ARHGEF38: variants seen among roughly 807,000 people sequenced by gnomAD.
ARHGEF38 encodes the protein Rho guanine nucleotide exchange factor 38.
ARHGEF38 carries 79 observed loss-of-function variants against 79.9 expected under a neutral mutation model. The ratio of observed to expected loss-of-function variants is 0.99; its 90% CI spans 0.82 to 1.19. ARHGEF38 has a LOEUF of 1.19. ARHGEF38 is among the 50% of genes most tolerant of loss of function. The pLI, the probability that ARHGEF38 is intolerant of heterozygous loss-of-function variation, is 0.00. For synonymous variants in ARHGEF38, 366 were observed against 328.3 expected (o/e 1.11, Z -1.24); for missense variants, 962 against 907.2 (o/e 1.06, Z -0.78).
intron 1 of ARHGEF38, among the ~76,000 whole-genome samples, chr4:105,558,221 G>C (rs1725345766): frequency 6.6e-6 from 1 of 152,148 alleles, no homozygotes; most frequent in South Asian, 2.1e-4. Context: ...AAGACTATGA[G>C]GGCATTTAAT....
At chr4:105,567,584 TGTGTATTTA>T (rs1725990479) in intron 1 of ARHGEF38, among the ~76,000 whole-genome samples, 1 of 152,220 alleles carries the variant, frequency 6.6e-6, no homozygotes. Flanking sequence ...GACATCAGTT[TGTGTATTTA>T]AGGGAGATAA....
chr4:105,565,427 C>A (rs7684945), intron 1 of ARHGEF38, among the ~76,000 whole-genome samples: 125,847 of 152,236 alleles, frequency 0.83, 52,292 homozygotes, highest in South Asian at 0.92. Context: ...TAGGGCTCGA[C>A]GCAATGCTAA....
At chr4:105,596,931 T>G (rs1727607984) in intron 2 of ARHGEF38, among the ~76,000 whole-genome samples, 1 of 152,228 alleles carries the variant, frequency 6.6e-6, no homozygotes, top group Admixed American at 6.5e-5. Context: ...GCAGCCCTGA[T>G]GCACTGCTTA....
intron 1 of ARHGEF38, among the ~76,000 whole-genome samples, chr4:105,575,790 C>CTTAA (rs1449233259): frequency 6.6e-6 from 1 of 152,004 alleles, no homozygotes; most frequent in Non-Finnish European, 1.5e-5. Flanking sequence ...CAGCCCTAGA[C>CTTAA]TTAAGTCTTT....
chr4:105,590,174 GGGACAAACGAGT>G (rs1727272335), intron 2 of ARHGEF38, among the ~76,000 whole-genome samples: 1 of 151,942 alleles, frequency 6.6e-6, no homozygotes, highest in Non-Finnish European at 1.5e-5. Context: ...GAGAGAGATG[GGGACAAACGAGT>G]GGTCATTCTA....
At chr4:105,564,349 A>G (rs990608491) in intron 1 of ARHGEF38, among the ~76,000 whole-genome samples, 3 of 152,188 alleles carry the variant, frequency 2.0e-5, no homozygotes, top group Non-Finnish European at 4.4e-5. Context: ...CTGACACGCT[A>G]CTACATGGAT....
intron 2 of ARHGEF38, among the ~76,000 whole-genome samples, chr4:105,593,563 C>A (rs903427932): frequency 2.6e-5 from 4 of 152,024 alleles, no homozygotes; most frequent in African/African-American, 9.7e-5. Flanking sequence ...AACAGACAGA[C>A]AAAAACATCA....
Position 105,645,199 on chromosome 4 carries a change from AC to A in ARHGEF38, c.687del (p.Leu230TyrfsTer7). On this transcript the variant is annotated frameshift_variant, in exon 6 of 14. Transcript: ENST00000420470. LOFTEE classifies it high-confidence loss of function. ...KKIYMQEGKP[N>X]LLDMGSLMIK... ...TATCTGTATTGTAGAGGCAAACCAA[AC>A]TTATTGGACATGGGCTCTTTGATGA... 1 of 1,513,218 alleles carries A rather than the reference AC, an allele frequency of 6.6e-7. No individual in the cohort carries two copies. Among genetic ancestry groups the A allele is most frequent in the Non-Finnish European group, 8.8e-7 (1 of 1,135,816 alleles). The allele number at this position is 1,513,218 out of a possible 1,614,324, so 93.7% of individuals were successfully genotyped here. A position where few individuals can be genotyped will look rare whatever the true frequency, so the allele number is the denominator to read the frequency against.
Position 105,667,232 on chromosome 4 carries a change from A to C in ARHGEF38, c.1793A>C (p.Glu598Ala). ...QAKRKCNATQ[E>A]YDINLLEGDL... ...AAGCGCAAGTGCAATGCTACACAAGAATATGACATCAATCTTCTGGAAGGA... is the reference window on the plus strand; with the variant it reads ...AAGCGCAAGTGCAATGCTACACAAGCATATGACATCAATCTTCTGGAAGGA... The change falls in exon 12 of 14, where the codon GAA becomes GCA. Residue 598 changes from glutamate (E) to alanine (A), a missense_variant. By Grantham distance (107) the Glu-to-Ala change is moderately radical (BLOSUM62 -1). Transcript: ENST00000420470. The C allele has an allele frequency of 6.5e-7, 1 of 1,536,204 alleles. No homozygotes were observed. Among genetic ancestry groups the C allele is most frequent in the Non-Finnish European group, 8.7e-7 (1 of 1,146,920 alleles).
intron 2 of ARHGEF38, among the ~76,000 whole-genome samples, chr4:105,598,575 A>T (rs1390542596): frequency 6.6e-6 from 1 of 152,224 alleles, no homozygotes; most frequent in African/African-American, 2.4e-5. Context: ...AACTATCAAT[A>T]CAAATATTCT....
chr4:105,655,779 G>T (rs1242224979), intron 9 of ARHGEF38, 57 bp downstream of exon 9: 25 of 1,473,316 alleles, frequency 1.7e-5, no homozygotes, highest in Non-Finnish European at 1.5e-5. Flanking sequence ...TGAAAGGAAA[G>T]CTGCTTTTTG....
chr4:105,577,238 C>G (rs1726548206), intron 1 of ARHGEF38, among the ~76,000 whole-genome samples: 1 of 141,596 alleles, frequency 7.1e-6, no homozygotes, highest in South Asian at 2.5e-4. Flanking sequence ...TCTCCTAATG[C>G]TATCCCTCCC....
chr4:105,669,476 C>T (rs530846468), intron 13 of ARHGEF38, among the ~76,000 whole-genome samples: 101 of 152,170 alleles, frequency 6.6e-4, no homozygotes, highest in Admixed American at 1.2e-3. Flanking sequence ...GTACATTTAA[C>T]GTCTTTATAG....
chr4:105,649,484 T>C (rs912845942), intron 7 of ARHGEF38, among the ~76,000 whole-genome samples: 1 of 152,212 alleles, frequency 6.6e-6, no homozygotes, highest in African/African-American at 2.4e-5. Context: ...TGCAATTCTT[T>C]GAGAATCACA....
intron 1 of ARHGEF38, among the ~76,000 whole-genome samples, chr4:105,585,818 G>A (rs187022995): frequency 3.2e-4 from 39 of 121,576 alleles, no homozygotes; most frequent in African/African-American, 1.2e-3. Flanking sequence ...TGCAATCTCC[G>A]CCTGGTGGGT....
intron 7 of ARHGEF38, among the ~76,000 whole-genome samples, chr4:105,653,324 CTTTTTTT>C (rs778409804): frequency 7.3e-6 from 1 of 136,544 alleles, no homozygotes; most frequent in African/African-American, 2.7e-5. Flanking sequence ...TTTCACATTT[CTTTTTTT>C]TTTTTTTTTG....
In ARHGEF38 at chr4:105,677,899, G is replaced by A. The variant is rs529141436; in HGVS notation, c.2296G>A (p.Val766Met). The change falls in exon 14 of 14, where the codon GTG (valine) becomes ATG (methionine). Residue 766 changes from valine to methionine, a missense_variant. Val to Met is a conservative substitution (Grantham distance 21). Transcript: ENST00000420470. Reference protein sequence around the residue: ...LAEAQGQKGYVPANYLGKMTY... With the variant: ...LAEAQGQKGYMPANYLGKMTY... ...TGAAGCTCAAGGGCAGAAAGGATAC[G>A]TGCCAGCTAACTACCTTGGAAAGAT... 2.6e-5 allele frequency: 40 copies of A among 1,532,922 alleles called. No individual in the cohort carries two copies. The African/African-American group carries it at 3.6e-4, about 14-fold the overall frequency. 95.0% of individuals were successfully genotyped at this position (1,532,922 alleles called of 1,614,324 possible).
chr4:105,575,034 A>G (rs1267330327), intron 1 of ARHGEF38, among the ~76,000 whole-genome samples: 1 of 151,546 alleles, frequency 6.6e-6, no homozygotes, highest in Admixed American at 6.6e-5. Context: ...ACACACACAC[A>G]CACCATATTT....
At chr4:105,629,728 C>T (rs186521625) in intron 3 of ARHGEF38, among the ~76,000 whole-genome samples, 23 of 151,934 alleles carry the variant, frequency 1.5e-4, no homozygotes, top group East Asian at 1.4e-3. Context: ...ATCAAACTAT[C>T]GTCCAATATC....
Sources: allele counts gnomAD v4.1 joint callset (sites outside exome capture counted in the v4.1 genomes callset), GRCh38; gene constraint gnomAD v4.1.1; transcripts MANE v1.5; gene names NCBI Gene and HGNC (gene_info 2026-07-23, HGNC 2026-07-21).